Variants in TASOR2 observed in about 807,000 individuals in gnomAD.
TASOR2 encodes transcription activation suppressor family member 2.
In TASOR2, 84 loss-of-function variants were observed where a neutral mutation model predicts 199.5. That is an observed-to-expected ratio of 0.42 (90% CI 0.35 to 0.50). The LOEUF is 0.50. TASOR2 is among the 20% of genes least tolerant of loss of function. TASOR2 has a pLI of 0.02. For missense variants in TASOR2, 2,796 were observed against 2,835.9 expected, an observed-to-expected ratio of 0.99 and a Z score of 0.32; for synonymous variants, 1,103 against 1,046.6, an observed-to-expected ratio of 1.05 and a Z score of -1.04.
In TASOR2 at chr10:5,762,887, G is replaced by A. The variant is rs540461998; in HGVS notation, c.7290-142G>A. On this transcript the variant is annotated intron_variant, in intron 20 of 20. Transcript: ENST00000328090. ...TTTTATCTAATGTGCATTTTCACTT[G>A]CTGTTAACTTGGATCGTCAGTACAG... 1.8e-5 allele frequency: 13 copies of A among 719,152 alleles called. No homozygotes were observed. The East Asian group carries it at 3.8e-4, about 21-fold the overall frequency. 44.5% of individuals were successfully genotyped at this position (719,152 alleles called of 1,614,324 possible).
chr10:5,743,852 C>T (rs1340846494), intron 14 of TASOR2: 2 of 152,114 alleles, frequency 1.3e-5, no homozygotes, highest in African/African-American at 2.4e-5. Context: ...CTTACGTAGG[C>T]TTTTGTTTTT....
At chr10:5,763,460 GT>G (rs1840183324) in exon 21 of TASOR2, 1 of 155,662 alleles carries the variant, frequency 6.4e-6, no homozygotes, top group Non-Finnish European at 1.4e-5. Flanking sequence ...ATCTTAAATG[GT>G]TTTATTTGCT....
At position 5,740,178 on chromosome 10, in the gene TASOR2, G is replaced by A; in HGVS notation, c.2008G>A (p.Glu670Lys). 1 of 1,614,154 alleles carries A rather than the reference G, an allele frequency of 6.2e-7. No homozygotes were observed. Among genetic ancestry groups the A allele is most frequent in the Non-Finnish European group, 8.5e-7 (1 of 1,180,022 alleles). The change falls in exon 13 of 21, where the codon GAG (glutamate) becomes AAG (lysine). Residue 670 changes from glutamate to lysine, a missense_variant. Coordinates refer to ENST00000328090, the Ensembl canonical transcript of TASOR2. This position sits in a 1 kb window ranked among gnomAD's most constrained non-coding sequence, Gnocchi z 5.3. ...AGAACATTCAAAGAAACATCTACAG[G>A]AGAGAGAGATACTAAGCCCTCTGTT...
chr10:5,746,153 T>TTC (rs768430931), intron 14 of TASOR2, 26 bp from the exon 16 acceptor site: 3 of 1,506,778 alleles, frequency 2.0e-6, no homozygotes, highest in Non-Finnish European at 8.8e-7. Context: ...ACTGATTTTT[T>TTC]TTTTTTTTTA....
In TASOR2 at chr10:5,685,157, G is replaced by C; in HGVS notation, c.-306G>C. The C allele has an allele frequency of 2.5e-6, 1 of 398,152 alleles. No homozygotes were observed. Among genetic ancestry groups the C allele is most frequent in the Non-Finnish European group, 4.4e-6 (1 of 225,640 alleles). The allele number at this position is 398,152 out of a possible 1,614,324, so 24.7% of individuals were successfully genotyped here. On this transcript the variant is annotated 5_prime_UTR_variant, in exon 1 of 21. Transcript: ENST00000328090. The surrounding 1 kb of genome is among the most constrained non-coding windows in gnomAD (Gnocchi z 5.4). The stretch of plus-strand genomic sequence containing the variant: ...CCGGGATCTCAGGTCCTCGGGGGCG[G>C]CGGCCACGCCAAGGACGGGTAAGTC...
chr10:5,738,973 T>C lies in TASOR2; in HGVS notation c.1448-645T>C, dbSNP rs1425960939. Among the ~76,000 whole-genome samples, 1 of 152,248 alleles carries C rather than the reference T, an allele frequency of 6.6e-6. No individual in the cohort carries two copies. The highest frequency in any genetic ancestry group is 1.5e-5 in the Non-Finnish European group (1 of 68,042). ...TAATGTAAAAGGTCAATGTTTTTGGTAATGAAAGTAAAATTTTAAAAGGTA... is the reference window on the plus strand; with the variant it reads ...TAATGTAAAAGGTCAATGTTTTTGGCAATGAAAGTAAAATTTTAAAAGGTA... On this transcript the variant is annotated intron_variant, in intron 12 of 20. Transcript: ENST00000328090. This position sits in a 1 kb window ranked among gnomAD's most constrained non-coding sequence, Gnocchi z 4.7.
At chr10:5,696,196 T>A (rs574279269) in intron 1 of TASOR2, among the ~76,000 whole-genome samples, 2 of 152,288 alleles carry the variant, frequency 1.3e-5, no homozygotes, top group African/African-American at 4.8e-5. Context: ...AACAAAACAT[T>A]AACGGATTCT....
At chr10:5,747,182 C>G (rs375639699) in exon 15 of TASOR2, 1 of 1,613,986 alleles carries the variant, frequency 6.2e-7, no homozygotes, top group Non-Finnish European at 8.5e-7. Context: ...AATTTGGAAG[C>G]GTTTGATTCA....
chr10:5,704,071 A>G lies in TASOR2; in HGVS notation c.-287-8752A>G, dbSNP rs544904999. On this transcript the variant is annotated intron_variant, in intron 1 of 20. Transcript: ENST00000328090. ...AAACCCCATCTCTACTAAAAATACA[A>G]AAATTAGCTGGGCCTGGTAGTGGGC... Among the ~76,000 whole-genome samples the G allele has an allele frequency of 2.0e-5, 3 of 151,918 alleles. No homozygotes were observed. In the East Asian group the frequency reaches 5.8e-4, roughly 30 times the overall value.
intron 1 of TASOR2, among the ~76,000 whole-genome samples, chr10:5,693,973 A>G (rs529778804): frequency 8.5e-5 from 13 of 152,246 alleles, no homozygotes; most frequent in Admixed American, 2.6e-4. Context: ...TAATAATTCC[A>G]TGTTCTAATG....
At chr10:5,744,293 T>TTTTTGTTTTGTTTTG (rs58184617) in intron 14 of TASOR2, among the ~76,000 whole-genome samples, 38 of 150,704 alleles carry the variant, frequency 2.5e-4, no homozygotes, top group African/African-American at 8.6e-4. Context: ...TGACTCTGTT[T>TTTTTGTTTTGTTTTG]TTTTGTTTTG....
At chr10:5,761,244 G>T (rs758091123) in intron 18 of TASOR2, 46 bp from the exon 20 acceptor site, 14 of 1,536,298 alleles carry the variant, frequency 9.1e-6, no homozygotes, top group Admixed American at 7.5e-5. Context: ...AAAGTCCTAA[G>T]AATAAAACTG....
intron 14 of TASOR2, among the ~76,000 whole-genome samples, chr10:5,743,455 C>T (rs1588853992): frequency 6.6e-6 from 1 of 152,184 alleles, no homozygotes; most frequent in South Asian, 2.1e-4. Flanking sequence ...TTAATCTCCC[C>T]ATTACATAGA....
chr10:5,720,442 C>T lies in TASOR2; in HGVS notation c.-99-102C>T. 7.0e-7 allele frequency: 1 copy of T among 1,423,512 alleles called. No individual in the cohort carries two copies. The highest frequency in any genetic ancestry group is 1.6e-5 in the South Asian group (1 of 62,188). The allele number at this position is 1,423,512 out of a possible 1,614,324, so 88.2% of individuals were successfully genotyped here. Reference sequence around the variant, plus strand: ...AGTAACACCCAAGATATATTTCTGACTCTAATGTGTTAAATTTCAGGGCTC... The same window carrying T: ...AGTAACACCCAAGATATATTTCTGATTCTAATGTGTTAAATTTCAGGGCTC... On this transcript the variant is annotated intron_variant, in intron 3 of 20. Transcript: ENST00000328090. The surrounding 1 kb of genome is among the most constrained non-coding windows in gnomAD (Gnocchi z 5.3).
chr10:5,747,405 G>A, exon 15 of TASOR2: 3 of 1,614,132 alleles, frequency 1.9e-6, no homozygotes, highest in Non-Finnish European at 2.5e-6. Flanking sequence ...AACCGGAAGA[G>A]GTGGCTCTCA....
chr10:5,691,124 G>A (rs1451660067), intron 1 of TASOR2, among the ~76,000 whole-genome samples: 1 of 150,820 alleles, frequency 6.6e-6, no homozygotes, highest in East Asian at 1.9e-4. Flanking sequence ...CTGGGAGGCA[G>A]AGATTGCAGC....
chr10:5,720,184 T>G lies in TASOR2; in HGVS notation c.-99-360T>G. ...ACACATATCTGCATCCTTGTTAGAC[T>G]ACTTCTAAATGAATCCTAGAGTAAA... is the stretch of plus-strand genomic sequence containing the variant. On this transcript the variant is annotated intron_variant, in intron 3 of 20. Transcript: ENST00000328090. The surrounding 1 kb of genome is among the most constrained non-coding windows in gnomAD (Gnocchi z 5.3). 1.2e-6 allele frequency: 1 copy of G among 805,052 alleles called. No homozygotes were observed. Among genetic ancestry groups the G allele is most frequent in the Non-Finnish European group, 1.5e-6 (1 of 665,464 alleles). The allele number at this position is 805,052 out of a possible 1,614,324, so 49.9% of individuals were successfully genotyped here.
At position 5,706,996 on chromosome 10, in the gene TASOR2, T is replaced by A. The variant is rs1404596208; in HGVS notation, c.-287-5827T>A. 1.0e-5 allele frequency among the ~76,000 whole-genome samples: 1 copy of A among 100,374 alleles called. No homozygotes were observed. The highest frequency in any genetic ancestry group is 2.0e-5 in the Non-Finnish European group (1 of 49,618). 65.8% of individuals were successfully genotyped at this position (100,374 alleles called of 152,430 possible). A position where few individuals can be genotyped will look rare whatever the true frequency, so the allele number is the denominator to read the frequency against. Reference sequence around the variant, plus strand: ...TCCAGCCTGGGCCACGGAGCAAGACTCCGTCTCAAAAAAAAAAAAGTAAGC... The same window carrying A: ...TCCAGCCTGGGCCACGGAGCAAGACACCGTCTCAAAAAAAAAAAAGTAAGC... On this transcript the variant is annotated intron_variant, in intron 1 of 20. Coordinates refer to ENST00000328090, the Ensembl canonical transcript of TASOR2. This position sits in a 1 kb window ranked among gnomAD's most constrained non-coding sequence, Gnocchi z 4.8.
chr10:5,712,979 C>A (rs1184660168), intron 2 of TASOR2, 61 bp downstream of exon 2: 2 of 819,836 alleles, frequency 2.4e-6, no homozygotes, highest in African/African-American at 1.8e-5. Flanking sequence ...TGTGGTACTT[C>A]AGTTCTGTAA....
Sources: allele counts gnomAD v4.1 joint callset (sites outside exome capture counted in the v4.1 genomes callset), GRCh38; gene constraint gnomAD v4.1.1; non-coding constraint Gnocchi (gnomAD v3.1); transcripts MANE v1.5; gene names NCBI Gene and HGNC (gene_info 2026-07-23, HGNC 2026-07-21).